Variants in UBTF observed in about 807,000 individuals in gnomAD.
UBTF encodes nucleolar transcription factor 1.
A neutral mutation model predicts 112.3 loss-of-function variants in UBTF; 8 were observed. The observed-to-expected ratio is 0.07, with a 90% CI of 0.04 to 0.13. The LOEUF (loss-of-function observed/expected upper bound fraction) is 0.13. Ranked by LOEUF, UBTF falls within the 10% of genes least tolerant of loss-of-function variation. The pLI is 1.00. For missense variants in UBTF, 457 were observed against 982.1 expected (o/e 0.47, Z 7.15); for synonymous variants, 417 against 373.1 (o/e 1.12, Z -1.36).
chr17:44,210,593 G>T (rs1327343235), intron 13 of UBTF, 120 bp from the exon 14 acceptor site: 1 of 1,402,068 alleles, frequency 7.1e-7, no homozygotes, highest in Non-Finnish European at 9.3e-7. Flanking sequence ...GATGTCTCCC[G>T]CCTGGGGCTC....
In UBTF at chr17:44,210,408, G is replaced by A. The variant is rs761627194; in HGVS notation, c.1425C>T (p.Arg475=). The A allele has an allele frequency of 5.6e-6, 9 of 1,614,120 alleles. No individual in the cohort carries two copies. The highest frequency in any genetic ancestry group is 1.1e-5 in the South Asian group (1 of 91,080). ...AQSERKPGGE[R]EERGKLPESP... is the part of the protein sequence containing the mutation. ...ACTCGGGCAGCTTGCCCCGTTCCTCGCGCTCCCCGCCGGGCTTCCTCTCCG... is the reference window on the plus strand; with the variant it reads ...ACTCGGGCAGCTTGCCCCGTTCCTCACGCTCCCCGCCGGGCTTCCTCTCCG... Residue 475 remains arginine, a synonymous_variant, in exon 14 of 21, where the codon CGC becomes CGT. Coordinates refer to ENST00000436088, the MANE Select transcript of UBTF (RefSeq NM_014233.4).
chr17:44,220,502 A>G (rs2047132466), upstream of UBTF, among the ~76,000 whole-genome samples: 1 of 106,936 alleles, frequency 9.4e-6, no homozygotes, highest in Admixed American at 8.0e-5. Context: ...CACATACGAA[A>G]CTTAAAAAAA....
intron 3 of UBTF, 65 bp from the exon 4 acceptor site, chr17:44,216,054 C>G: frequency 1.5e-6 from 2 of 1,297,522 alleles, no homozygotes; most frequent in South Asian, 2.4e-5. Context: ...AGTAGTATAC[C>G]CCCATCTTAT....
chr17:44,212,269 A>C (rs1291749974), intron 8 of UBTF, 75 bp downstream of exon 8: 5 of 1,300,332 alleles, frequency 3.8e-6, no homozygotes, highest in Non-Finnish European at 4.4e-6. Flanking sequence ...CCTCCCGCAG[A>C]GTGCGGTGGC....
chr17:44,210,644 C>T, intron 13 of UBTF, 148 bp downstream of exon 13: 1 of 1,384,582 alleles, frequency 7.2e-7, no homozygotes, highest in Non-Finnish European at 9.4e-7. Context: ...CAGCTTCCCG[C>T]CTTCCGGCTG....
chr17:44,216,181 CCAGG>C (rs2046837103), intron 3 of UBTF, 192 bp from the exon 4 acceptor site: 1 of 624,650 alleles, frequency 1.6e-6, no homozygotes. Context: ...CCGCAGAGGC[CCAGG>C]CAGTCAGTAC....
chr17:44,216,821 C>T (rs2046865768), intron 2 of UBTF, 117 bp from the exon 3 acceptor site: 2 of 1,020,486 alleles, frequency 2.0e-6, no homozygotes, highest in Non-Finnish European at 3.0e-6. Flanking sequence ...TGGTTGCTTC[C>T]CATCTGAAGG....
At chr17:44,215,602 C>G (rs2046809102) in intron 5 of UBTF, 52 bp downstream of exon 5, 4 of 1,605,194 alleles carry the variant, frequency 2.5e-6, no homozygotes, top group Admixed American at 3.4e-5. Flanking sequence ...CCACACCACA[C>G]CAGCTGCTCC....
chr17:44,211,139 T>C lies in UBTF; in HGVS notation c.1103A>G (p.Glu368Gly). Reference protein sequence around the residue: ...LLRFLESLPEEEQQRVLGEEK... With the variant: ...LLRFLESLPEGEQQRVLGEEK... Reference sequence around the variant, plus strand: ...TTCCCCCAAGACCCGCTGCTGCTCCTCCTCAGGCAGGCTCTGGACAGGAAA... The same window carrying C: ...TTCCCCCAAGACCCGCTGCTGCTCCCCCTCAGGCAGGCTCTGGACAGGAAA... Residue 368 changes from glutamate (E) to glycine (G), a missense_variant, in exon 12 of 21, where the codon GAG becomes GGG. Coordinates refer to ENST00000436088, the MANE Select transcript of UBTF (RefSeq NM_014233.4). The surrounding 1 kb of genome is among the most constrained non-coding windows in gnomAD (Gnocchi z 4.9). 1 of 1,613,152 alleles carries C rather than the reference T, an allele frequency of 6.2e-7. No individual in the cohort carries two copies. Among genetic ancestry groups the C allele is most frequent in the Non-Finnish European group, 8.5e-7 (1 of 1,179,974 alleles).
intron 13 of UBTF, 29 bp downstream of exon 13, chr17:44,210,763 G>A (rs1409044319): frequency 6.4e-6 from 10 of 1,553,096 alleles, no homozygotes; most frequent in Non-Finnish European, 8.7e-6. Context: ...GCCCCCCTGG[G>A]GGCACAGCGC....
chr17:44,220,106 G>GGA (rs2047106851), upstream of UBTF, among the ~76,000 whole-genome samples: 6 of 149,488 alleles, frequency 4.0e-5, no homozygotes, highest in Admixed American at 2.0e-4. Flanking sequence ...GCCGGGGCAG[G>GGA]GAGACACGCA....
chr17:44,219,008 C>T (rs1423465703), intron 1 of UBTF: 1 of 149,638 alleles, frequency 6.7e-6, no homozygotes, highest in Non-Finnish European at 1.5e-5. Context: ...CCGACGCGCA[C>T]GGAGGAGCCC....
chr17:44,212,276 T>C, intron 8 of UBTF, 68 bp downstream of exon 8: 1 of 1,364,702 alleles, frequency 7.3e-7, no homozygotes. Flanking sequence ...CAGAGTGCGG[T>C]GGCCACGGAG....
intron 17 of UBTF, chr17:44,208,960 G>A (rs559299848): frequency 6.0e-6 from 2 of 334,082 alleles, no homozygotes; most frequent in Non-Finnish European, 1.2e-5. Flanking sequence ...CGAGGTGGGC[G>A]GATCACATGA....
At position 44,215,650 on chromosome 17, in the gene UBTF, C is replaced by G. The variant is rs746231435; in HGVS notation, c.474+4G>C. On this transcript the variant is annotated splice_donor_region_variant and intron_variant, in intron 5 of 20. Coordinates refer to ENST00000436088, the MANE Select transcript of UBTF (RefSeq NM_014233.4). ...TCCTCCCACCTTAACTCTCCTCCCC[C>G]CACCTTCTTCTTCTCCGGAAGCTCC... The G allele has an allele frequency of 3.7e-6, 6 of 1,613,806 alleles. No individual in the cohort carries two copies. Among genetic ancestry groups the G allele is most frequent in the Non-Finnish European group, 5.1e-6 (6 of 1,179,974 alleles).
At chr17:44,210,562 G>C in intron 13 of UBTF, 89 bp from the exon 14 acceptor site, 4 of 1,451,534 alleles carry the variant, frequency 2.8e-6, no homozygotes, top group Non-Finnish European at 3.6e-6. Context: ...CCGCCGGCGG[G>C]CAGAAGCATG....
intron 17 of UBTF, 60 bp from the exon 18 acceptor site, chr17:44,207,971 C>G: frequency 6.2e-7 from 1 of 1,607,666 alleles, no homozygotes; most frequent in Non-Finnish European, 8.5e-7. Flanking sequence ...ACTGAGCATG[C>G]TGGCCCAGTG....
intron 3 of UBTF, 52 bp downstream of exon 3, chr17:44,216,477 A>G: frequency 6.3e-7 from 1 of 1,599,694 alleles, no homozygotes; most frequent in Non-Finnish European, 8.6e-7. Flanking sequence ...CACTTCCCCC[A>G]CCACGCTGAG....
At chr17:44,216,348 T>C (rs2046845298) in intron 3 of UBTF, 181 bp downstream of exon 3, 2 of 720,134 alleles carry the variant, frequency 2.8e-6, no homozygotes, top group Non-Finnish European at 4.7e-6. Context: ...GTGGCATAAC[T>C]TTAAGCCAGT....
Sources: allele counts gnomAD v4.1 joint callset (sites outside exome capture counted in the v4.1 genomes callset), GRCh38; gene constraint gnomAD v4.1.1; non-coding constraint Gnocchi (gnomAD v3.1); transcripts MANE v1.5; gene names NCBI Gene and HGNC (gene_info 2026-07-23, HGNC 2026-07-21).